The following PTPRD variants were observed in gnomAD, a reference collection of about 807,000 sequenced individuals.
PTPRD encodes the protein receptor-type tyrosine-protein phosphatase delta.
In PTPRD, 34 loss-of-function variants were observed where a neutral mutation model predicts 214.5. The ratio of observed to expected loss-of-function variants is 0.16; its 90% CI spans 0.12 to 0.21. PTPRD has a LOEUF of 0.21. Ranked by LOEUF, PTPRD falls within the 10% of genes least tolerant of loss-of-function variation. The pLI is 1.00. For missense variants in PTPRD, 2,545 were observed against 2,398.7 expected, an observed-to-expected ratio of 1.06 and a Z score of -1.27; for synonymous variants, 1,128 against 845.7, an observed-to-expected ratio of 1.33 and a Z score of -5.79.
At chr9:10,500,916 C>T (rs1203105923) in intron 2 of PTPRD, among the ~76,000 whole-genome samples, 4 of 151,932 alleles carry the variant, frequency 2.6e-5, no homozygotes, top group East Asian at 3.9e-4. Context: ...ATATATACCA[C>T]GTTTTCTTTA....
Position 9,706,213 on chromosome 9 carries a change from C to CCAAA in PTPRD, c.-287+28319_-287+28320insTTTG, listed in dbSNP as rs755800399. On this transcript the variant is annotated intron_variant, in intron 7 of 45. Coordinates refer to ENST00000381196, the MANE Select transcript of PTPRD (RefSeq NM_002839.4). Reference sequence around the variant, plus strand: ...TATACAGTTGTTACAAAAGAAAACCCCAATCTGTTTTAGATTTCATATTTT... The same window carrying CCAAA: ...TATACAGTTGTTACAAAAGAAAACCCCAAACAATCTGTTTTAGATTTCATATTTT... 1.1e-3 allele frequency among the ~76,000 whole-genome samples: 169 copies of CCAAA among 152,062 alleles called. 2 individuals are homozygous for CCAAA. Among genetic ancestry groups the CCAAA allele is most frequent in the African/African-American group, 3.9e-3 (163 of 41,494 alleles).
chr9:10,497,140 G>A (rs2042301142), intron 2 of PTPRD, among the ~76,000 whole-genome samples: 1 of 151,780 alleles, frequency 6.6e-6, no homozygotes, highest in Non-Finnish European at 1.5e-5. Context: ...GATGCTGCAG[G>A]CTAATAGAGG....
At chr9:9,164,597 TA>T (rs148778640) in intron 10 of PTPRD, among the ~76,000 whole-genome samples, 12,032 of 152,192 alleles carry the variant, frequency 0.079, 765 homozygotes, top group African/African-American at 0.17. Flanking sequence ...TTACAGAGCA[TA>T]AAATCTTTTC....
At chr9:9,687,012 T>C (rs2097177427) in intron 7 of PTPRD, among the ~76,000 whole-genome samples, 1 of 151,924 alleles carries the variant, frequency 6.6e-6, no homozygotes, top group East Asian at 1.9e-4. Flanking sequence ...GCTCATTTAA[T>C]ACAAGTTGTG....
intron 11 of PTPRD, among the ~76,000 whole-genome samples, chr9:8,966,960 A>G (rs1446357137): frequency 2.0e-5 from 3 of 152,030 alleles, no homozygotes; most frequent in Non-Finnish European, 4.4e-5. Flanking sequence ...AACAAAATAA[A>G]TAAGCCCATG....
At chr9:8,375,463 A>G (rs1051424979) in intron 39 of PTPRD, among the ~76,000 whole-genome samples, 3 of 152,068 alleles carry the variant, frequency 2.0e-5, no homozygotes, top group Admixed American at 6.6e-5. Context: ...GATATTACTA[A>G]TGTACAGAAG....
intron 3 of PTPRD, among the ~76,000 whole-genome samples, chr9:10,070,280 T>C (rs1205767914): frequency 6.6e-6 from 1 of 152,094 alleles, no homozygotes; most frequent in Non-Finnish European, 1.5e-5. Context: ...CCCTCATTAC[T>C]GTTTATCTTA....
At chr9:9,137,055 C>G (rs193193127) in intron 10 of PTPRD, among the ~76,000 whole-genome samples, 1 of 152,036 alleles carries the variant, frequency 6.6e-6, no homozygotes, top group Non-Finnish European at 1.5e-5. Context: ...TCACAAAAGC[C>G]CCACTTTACA....
At chr9:9,024,057 GACA>G (rs1292854820) in intron 10 of PTPRD, among the ~76,000 whole-genome samples, 1 of 151,358 alleles carries the variant, frequency 6.6e-6, no homozygotes, top group Non-Finnish European at 1.5e-5. Context: ...GAAGAAAAAA[GACA>G]AAAATGAAAG....
intron 37 of PTPRD, among the ~76,000 whole-genome samples, chr9:8,377,018 C>T (rs530607946): frequency 6.6e-6 from 1 of 152,174 alleles, no homozygotes; most frequent in South Asian, 2.1e-4. Context: ...TTTGAAACTT[C>T]AGTGAGCTTG....
At chr9:10,123,852 G>C (rs291300) in intron 3 of PTPRD, among the ~76,000 whole-genome samples, 61,587 of 151,990 alleles carry the variant, frequency 0.41, 13,648 homozygotes, top group Middle Eastern at 0.52. Context: ...ACTTTCTGTG[G>C]ACACAATGTC....
chr9:10,256,441 A>G (rs980088395), intron 3 of PTPRD, among the ~76,000 whole-genome samples: 5 of 151,492 alleles, frequency 3.3e-5, no homozygotes, highest in African/African-American at 9.8e-5. Flanking sequence ...CATAATAAAA[A>G]TACAGTATAC....
intron 6 of PTPRD, among the ~76,000 whole-genome samples, chr9:9,752,547 G>A (rs760144678): frequency 8.6e-5 from 13 of 151,894 alleles, no homozygotes; most frequent in South Asian, 4.1e-4. Context: ...TTAGAATCCC[G>A]TGGAGCTTTT....
At chr9:9,922,829 A>G (rs547725731) in intron 5 of PTPRD, among the ~76,000 whole-genome samples, 1 of 152,166 alleles carries the variant, frequency 6.6e-6, no homozygotes, top group African/African-American at 2.4e-5. Flanking sequence ...GAGGTTTTCC[A>G]GATTGAAGGG....
At chr9:9,980,482 C>T (rs549411978) in intron 4 of PTPRD, among the ~76,000 whole-genome samples, 5 of 151,628 alleles carry the variant, frequency 3.3e-5, no homozygotes, top group African/African-American at 9.7e-5. Context: ...GTGGTACATG[C>T]CTGTAGTCCC....
chr9:9,974,779 G>T (rs1055941030), intron 4 of PTPRD, among the ~76,000 whole-genome samples: 1 of 151,984 alleles, frequency 6.6e-6, no homozygotes, highest in Non-Finnish European at 1.5e-5. Context: ...CTTACCTATT[G>T]GTTGACATAG....
chr9:8,770,429 T>C (rs1401904115), intron 11 of PTPRD, among the ~76,000 whole-genome samples: 2 of 151,716 alleles, frequency 1.3e-5, no homozygotes. Context: ...AATGAAAAAA[T>C]ATGTTCTATG....
intron 14 of PTPRD, among the ~76,000 whole-genome samples, chr9:8,612,895 A>G (rs2095498051): frequency 1.3e-5 from 2 of 152,194 alleles, no homozygotes; most frequent in African/African-American, 4.8e-5. Flanking sequence ...ATTAGTTTAA[A>G]TCATGATGTG....
chr9:10,352,921 G>GT (rs1031063851), intron 2 of PTPRD, among the ~76,000 whole-genome samples: 5 of 151,820 alleles, frequency 3.3e-5, no homozygotes, highest in Admixed American at 1.3e-4. Flanking sequence ...CCTTTAGGTG[G>GT]TTTTTTAATC....
Sources: allele counts gnomAD v4.1 joint callset (sites outside exome capture counted in the v4.1 genomes callset), GRCh38; gene constraint gnomAD v4.1.1; transcripts MANE v1.5; gene names NCBI Gene and HGNC (gene_info 2026-07-23, HGNC 2026-07-21).